PRKG1: variants seen among roughly 807,000 people sequenced by gnomAD.
The protein encoded by PRKG1 is cGMP-dependent protein kinase 1.
Under a neutral mutation model 88.1 loss-of-function variants are expected in PRKG1, and 35 were observed. That is an observed-to-expected ratio of 0.40 (90% CI 0.30 to 0.53). PRKG1 has a LOEUF of 0.53. Among genes scored for constraint, PRKG1 ranks in the 20% least tolerant of loss-of-function variants. PRKG1 has a pLI of 0.59. For missense variants in PRKG1, 540 were observed against 839.8 expected, an observed-to-expected ratio of 0.64 and a Z score of 4.41; for synonymous variants, 303 against 292.5, an observed-to-expected ratio of 1.04 and a Z score of -0.37.
chr10:52,124,927 T>G (rs1847897495), intron 7 of PRKG1, among the ~76,000 whole-genome samples: 1 of 152,168 alleles, frequency 6.6e-6, no homozygotes, highest in South Asian at 2.1e-4. Context: ...TTGGAAGGTC[T>G]TCAGGGGCAA....
intron 2 of PRKG1, among the ~76,000 whole-genome samples, chr10:51,425,243 AAC>A (rs1838542522): frequency 6.6e-6 from 1 of 152,208 alleles, no homozygotes; most frequent in South Asian, 2.1e-4. Context: ...AATGTGCTGA[AAC>A]ACAAATTATT....
intron 4 of PRKG1, among the ~76,000 whole-genome samples, chr10:51,882,395 T>C (rs532187679): frequency 6.6e-6 from 1 of 152,308 alleles, no homozygotes; most frequent in African/African-American, 2.4e-5. Flanking sequence ...GTTCACAACT[T>C]TCCTTCTCTC....
At chr10:52,109,672 C>T (rs1323791849) in intron 7 of PRKG1, among the ~76,000 whole-genome samples, 1 of 151,268 alleles carries the variant, frequency 6.6e-6, no homozygotes, top group African/African-American at 2.4e-5. Context: ...GAGGCTGAGG[C>T]AGGAGAATCA....
chr10:51,760,695 C>T (rs540841987), intron 3 of PRKG1, among the ~76,000 whole-genome samples: 1 of 152,128 alleles, frequency 6.6e-6, no homozygotes, highest in Admixed American at 6.5e-5. Context: ...TGGTCTCGAA[C>T]TCTTGACCTC....
chr10:51,451,003 G>C (rs1839421659), intron 2 of PRKG1, among the ~76,000 whole-genome samples: 2 of 151,646 alleles, frequency 1.3e-5, no homozygotes, highest in South Asian at 4.2e-4. Context: ...TTGTGCTAGG[G>C]ACCCCTTTGG....
At chr10:51,817,175 A>G (rs1222604084) in intron 4 of PRKG1, among the ~76,000 whole-genome samples, 1 of 152,106 alleles carries the variant, frequency 6.6e-6, no homozygotes, top group Non-Finnish European at 1.5e-5. Context: ...GCCCAAAGGA[A>G]TGGCAGATTT....
At chr10:51,383,439 A>C (rs548554039) in intron 2 of PRKG1, among the ~76,000 whole-genome samples, 33 of 152,296 alleles carry the variant, frequency 2.2e-4, no homozygotes, top group African/African-American at 7.9e-4. Context: ...TAGCAATAGA[A>C]ATTCGCATAT....
At chr10:51,342,010 A>G (rs1842014329) in intron 2 of PRKG1, among the ~76,000 whole-genome samples, 1 of 152,176 alleles carries the variant, frequency 6.6e-6, no homozygotes, top group South Asian at 2.1e-4. Context: ...AGGGATTATT[A>G]CAAGTCAAGG....
chr10:52,249,864 AAAC>A (rs1346300279), intron 9 of PRKG1, among the ~76,000 whole-genome samples: 1 of 152,044 alleles, frequency 6.6e-6, no homozygotes, highest in Non-Finnish European at 1.5e-5. Context: ...AAAACCAAAA[AAAC>A]AAGTTTCACC....
chr10:51,656,360 G>C (rs144469805), intron 3 of PRKG1, among the ~76,000 whole-genome samples: 1 of 152,064 alleles, frequency 6.6e-6, no homozygotes, highest in African/African-American at 2.4e-5. Flanking sequence ...GATCACACTT[G>C]GTCGTGCTCT....
At chr10:51,003,087 G>A (rs1354758952) in intron 1 of PRKG1, among the ~76,000 whole-genome samples, 1 of 152,094 alleles carries the variant, frequency 6.6e-6, no homozygotes, top group Non-Finnish European at 1.5e-5. Flanking sequence ...AAAAAACAAT[G>A]TTACACTGTC....
intron 2 of PRKG1, among the ~76,000 whole-genome samples, chr10:51,218,532 A>ATATATATATATATATAT (rs61030217): frequency 2.0e-5 from 1 of 49,408 alleles, no homozygotes; most frequent in Non-Finnish European, 3.5e-5. Context: ...TATATATATA[A>ATATATATATATATATAT]AATGTGTGTA....
At chr10:52,214,218 C>A (rs1331725622) in intron 9 of PRKG1, among the ~76,000 whole-genome samples, 1 of 152,090 alleles carries the variant, frequency 6.6e-6, no homozygotes, top group East Asian at 1.9e-4. Context: ...AAAAGTGCAA[C>A]AGTAGCATAG....
At chr10:51,059,786 C>A (rs1215263248) in intron 1 of PRKG1, among the ~76,000 whole-genome samples, 1 of 151,960 alleles carries the variant, frequency 6.6e-6, no homozygotes, top group Non-Finnish European at 1.5e-5. Flanking sequence ...ATGTGTTTTG[C>A]AATTTTGAGA....
chr10:51,276,013 G>A (rs547533076), intron 2 of PRKG1, among the ~76,000 whole-genome samples: 5 of 150,922 alleles, frequency 3.3e-5, no homozygotes, highest in Non-Finnish European at 5.9e-5. Context: ...TGTGCACAAC[G>A]TGCAGGTTTG....
chr10:51,027,313 C>G (rs2132741855), intron 1 of PRKG1, among the ~76,000 whole-genome samples: 1 of 152,320 alleles, frequency 6.6e-6, no homozygotes, highest in South Asian at 2.1e-4. Context: ...ATCTGTATCA[C>G]TACACTTCTC....
At chr10:51,502,128 G>A (rs1337186503) in intron 3 of PRKG1, among the ~76,000 whole-genome samples, 2 of 152,084 alleles carry the variant, frequency 1.3e-5, no homozygotes, top group South Asian at 2.1e-4. Flanking sequence ...ATCCGTATTA[G>A]GAATGAATGA....
intron 9 of PRKG1, among the ~76,000 whole-genome samples, chr10:52,212,375 A>G (rs1210790988): frequency 6.6e-6 from 1 of 152,196 alleles, no homozygotes; most frequent in African/African-American, 2.4e-5. Flanking sequence ...AACTTAAAAT[A>G]GGAAAGGAGG....
rs1564490935 is a variant in PRKG1, at chr10:52,150,171, A to ATTATTATTATTATT, written c.1002-11718_1002-11717insTTATTATTATTATT. On this transcript the variant is annotated intron_variant, in intron 8 of 17. Transcript: ENST00000373980. ...TCAAAATAATAATAATAATAATAAT[A>ATTATTATTATTATT]ATAATAATAATAATTTGATTGGCCA... is the stretch of plus-strand genomic sequence containing the variant. Among the ~76,000 whole-genome samples the ATTATTATTATTATT allele has an allele frequency of 3.0e-3, 306 of 103,056 alleles. 2 individuals carry two copies. The highest frequency in any genetic ancestry group is 0.011 in the African/African-American group (258 of 23,202). 67.6% of individuals were successfully genotyped at this position (103,056 alleles called of 152,430 possible).
Sources: gnomAD v4.1 joint callset for allele counts (sites outside exome capture counted in the v4.1 genomes callset) on GRCh38, gnomAD v4.1.1 for gene constraint, MANE v1.5 for transcripts, NCBI Gene and HGNC (gene_info 2026-07-23, HGNC 2026-07-21) for gene names.